Variants in CACNA2D4 observed in about 807,000 individuals in gnomAD.
The protein encoded by CACNA2D4 is calcium voltage-gated channel auxiliary subunit alpha2delta 4.
Under a neutral mutation model 163.8 loss-of-function variants are expected in CACNA2D4, and 157 were observed. The ratio of observed to expected loss-of-function variants is 0.96; its 90% CI spans 0.84 to 1.09. The LOEUF is 1.09. Among genes scored for constraint, CACNA2D4 ranks in the 50% least tolerant of loss-of-function variants. The probability of loss-of-function intolerance (pLI) is 0.00; values close to 1 mark genes in which losing one functional copy is unlikely to be tolerated. For missense variants in CACNA2D4, 1,410 were observed against 1,479.9 expected, an observed-to-expected ratio of 0.95 and a Z score of 0.78; for synonymous variants, 598 against 586.9, an observed-to-expected ratio of 1.02 and a Z score of -0.27.
Position 1,875,966 on chromosome 12 carries a change from G to A in CACNA2D4, c.1720-629C>T, listed in dbSNP as rs944100653. On this transcript the variant is annotated intron_variant, in intron 16 of 37. Coordinates refer to ENST00000382722, the MANE Select transcript of CACNA2D4 (RefSeq NM_172364.5). The surrounding 1 kb of genome is among the most constrained non-coding windows in gnomAD (Gnocchi z 4.0). Reference sequence around the variant, plus strand: ...CAGGGGGCCCTGACTGCTGCCTGCGGTTCTGCTGTTTTCCTGGCCAGCCGC... The same window carrying A: ...CAGGGGGCCCTGACTGCTGCCTGCGATTCTGCTGTTTTCCTGGCCAGCCGC... Among the ~76,000 whole-genome samples the A allele has an allele frequency of 2.0e-5, 3 of 152,206 alleles. No homozygotes were observed. The highest frequency in any genetic ancestry group is 4.4e-5 in the Non-Finnish European group (3 of 68,040).
Position 1,806,655 on chromosome 12 carries a change from C to T in CACNA2D4, c.2721+3623G>A, listed in dbSNP as rs1167360739. Among the ~76,000 whole-genome samples the T allele has an allele frequency of 6.6e-6, 1 of 152,230 alleles. No individual in the cohort carries two copies. The highest frequency in any genetic ancestry group is 1.5e-5 in the Non-Finnish European group (1 of 68,036). On this transcript the variant is annotated intron_variant, in intron 29 of 37. Coordinates refer to ENST00000382722, the MANE Select transcript of CACNA2D4 (RefSeq NM_172364.5). The surrounding 1 kb of genome is among the most constrained non-coding windows in gnomAD (Gnocchi z 4.1). ...GCCAGCTAAAGTGCATTGAGATCCA[C>T]AGCAGCCAGGAGGCCTGGGGAGGGT... is the stretch of plus-strand genomic sequence containing the variant.
intron 18 of CACNA2D4, among the ~76,000 whole-genome samples, chr12:1,868,256 C>A (rs1160461055): frequency 1.3e-5 from 2 of 152,094 alleles, no homozygotes; most frequent in Non-Finnish European, 2.9e-5. Flanking sequence ...CTTATAAATA[C>A]AGAGGAATAT....
intron 29 of CACNA2D4, among the ~76,000 whole-genome samples, chr12:1,808,679 C>G (rs1202270100): frequency 6.6e-6 from 1 of 152,216 alleles, no homozygotes; most frequent in Non-Finnish European, 1.5e-5. Context: ...TTAGCCCATG[C>G]TCCGGCCCTT....
chr12:1,882,907 T>C lies in CACNA2D4; in HGVS notation c.1445A>G (p.Asp482Gly). Reference sequence around the variant, plus strand: ...GGCCTCTGTCCAGATGATGTCGTGGTCGTGGTTGATGACCATGGGGCGGCT... The same window carrying C: ...GGCCTCTGTCCAGATGATGTCGTGGCCGTGGTTGATGACCATGGGGCGGCT... ...VLSRPMVINH[D>G]HDIIWTEAYM... The change falls in exon 13 of 38, where the codon GAC becomes GGC. Residue 482 changes from aspartate (D) to glycine (G), a missense_variant. Coordinates refer to ENST00000382722, the MANE Select transcript of CACNA2D4 (RefSeq NM_172364.5). The C allele has an allele frequency of 1.2e-6, 2 of 1,613,832 alleles. No individual in the cohort carries two copies. The highest frequency in any genetic ancestry group is 1.7e-6 in the Non-Finnish European group (2 of 1,179,832).
intron 18 of CACNA2D4, among the ~76,000 whole-genome samples, chr12:1,863,186 G>A (rs1865561067): frequency 1.3e-5 from 2 of 152,184 alleles, no homozygotes; most frequent in Non-Finnish European, 2.9e-5. Context: ...TGAAAAGATT[G>A]CCTTGCTCCA....
chr12:1,833,511 C>T lies in CACNA2D4; in HGVS notation c.2551+7228G>A, dbSNP rs1313507105. ...GAGCCCGTGCGCCCAGGTACCCACA[C>T]CTCCTCATCAACACCAGCCTCCTCT... On this transcript the variant is annotated intron_variant, in intron 26 of 37. Coordinates refer to ENST00000382722, the MANE Select transcript of CACNA2D4 (RefSeq NM_172364.5). The surrounding 1 kb of genome is among the most constrained non-coding windows in gnomAD (Gnocchi z 4.2). Among the ~76,000 whole-genome samples the T allele has an allele frequency of 6.6e-6, 1 of 152,174 alleles. No homozygotes were observed. The highest frequency in any genetic ancestry group is 1.5e-5 in the Non-Finnish European group (1 of 68,030).
At chr12:1,895,853 G>A (rs751034242) in intron 6 of CACNA2D4, among the ~76,000 whole-genome samples, 1 of 151,910 alleles carries the variant, frequency 6.6e-6, no homozygotes, top group Non-Finnish European at 1.5e-5. Context: ...TGCTCATGCT[G>A]GCCTCAAACT....
chr12:1,831,008 C>A (rs768025964), intron 26 of CACNA2D4: 1 of 1,614,154 alleles, frequency 6.2e-7, no homozygotes, highest in Non-Finnish European at 8.5e-7. Context: ...AGTGTGACAG[C>A]CGCAGCCTGG....
chr12:1,821,522 C>T (rs925017433), intron 26 of CACNA2D4, among the ~76,000 whole-genome samples: 1 of 152,190 alleles, frequency 6.6e-6, no homozygotes, highest in African/African-American at 2.4e-5. Context: ...AGAACCAGGC[C>T]CGCGAGAACC....
Position 1,918,351 on chromosome 12 carries a change from G to C in CACNA2D4, c.123C>G (p.Pro41=). 1.2e-6 allele frequency: 2 copies of C among 1,608,022 alleles called. No homozygotes were observed. Among genetic ancestry groups the C allele is most frequent in the Non-Finnish European group, 1.7e-6 (2 of 1,177,268 alleles). ...TCTTCTGCACAAAGGCCCAGGCCAC[G>C]GGCATTGGCTGGAGGGGAATCCAGC... ...SSRWIPLQPM[P]VAWAFVQKTS... is the part of the protein sequence containing the mutation. The change falls in exon 1 of 38, where the codon CCC becomes CCG. Residue 41 remains proline (P), a synonymous_variant. Coordinates refer to ENST00000382722, the MANE Select transcript of CACNA2D4 (RefSeq NM_172364.5).
intron 26 of CACNA2D4, among the ~76,000 whole-genome samples, chr12:1,821,860 G>T (rs1864116920): frequency 6.6e-6 from 1 of 152,102 alleles, no homozygotes; most frequent in Admixed American, 6.5e-5. Flanking sequence ...CCACATTTCT[G>T]GGGGGTGTTG....
intron 23 of CACNA2D4, among the ~76,000 whole-genome samples, chr12:1,847,229 C>T (rs549223429): frequency 5.9e-5 from 9 of 152,320 alleles, no homozygotes; most frequent in South Asian, 2.1e-4. Flanking sequence ...AGCTAGTTGG[C>T]GTCACATATC....
Position 1,793,550 on chromosome 12 carries a change from TGG to T in CACNA2D4, c.*103_*104del. 2.1e-6 allele frequency: 2 copies of T among 965,450 alleles called. No individual in the cohort carries two copies. Among genetic ancestry groups the T allele is most frequent in the Non-Finnish European group, 3.3e-6 (2 of 609,276 alleles). 59.8% of individuals were successfully genotyped at this position (965,450 alleles called of 1,614,324 possible). ...CCCAGGATTGAGAGGAGCGTTGGCCTGGGGGCGACCCAACTGCAGTTAGCTGC... is the reference window on the plus strand; with the variant it reads ...CCCAGGATTGAGAGGAGCGTTGGCCTGGGCGACCCAACTGCAGTTAGCTGC... On this transcript the variant is annotated 3_prime_UTR_variant, in exon 38 of 38. Coordinates refer to ENST00000382722, the MANE Select transcript of CACNA2D4 (RefSeq NM_172364.5).
intron 37 of CACNA2D4, among the ~76,000 whole-genome samples, chr12:1,794,383 G>C (rs1364236606): frequency 6.6e-6 from 1 of 152,124 alleles, no homozygotes; most frequent in Admixed American, 6.5e-5. Flanking sequence ...CCCACTCTCT[G>C]GACACCAACT....
rs77441888 is a variant in CACNA2D4, at chr12:1,874,989, C to A, written c.1806+262G>T. On this transcript the variant is annotated intron_variant, in intron 17 of 37. Coordinates refer to ENST00000382722, the MANE Select transcript of CACNA2D4 (RefSeq NM_172364.5). The surrounding 1 kb of genome is among the most constrained non-coding windows in gnomAD (Gnocchi z 4.4). ...GCCAGGCTAAAACATCACTAAAACT[C>A]AGACTCTGCAGCTTATACACATGAT... is the stretch of plus-strand genomic sequence containing the variant. 0.047 allele frequency among the ~76,000 whole-genome samples: 7,094 copies of A among 152,308 alleles called. 419 individuals carry two copies. The highest frequency in any genetic ancestry group is 0.14 in the African/African-American group (5,617 of 41,546).
At chr12:1,902,128 T>C (rs533882153) in intron 6 of CACNA2D4, among the ~76,000 whole-genome samples, 23 of 152,214 alleles carry the variant, frequency 1.5e-4, no homozygotes, top group African/African-American at 5.5e-4. Context: ...ATCATTTCAA[T>C]TGATGCAGAA....
At chr12:1,805,635 G>A (rs969830149) in intron 29 of CACNA2D4, among the ~76,000 whole-genome samples, 4 of 152,212 alleles carry the variant, frequency 2.6e-5, no homozygotes, top group African/African-American at 9.6e-5. Context: ...TGGAGGAGCG[G>A]GGTGGGGGTG....
chr12:1,877,055 T>C (rs1425321897), intron 16 of CACNA2D4, among the ~76,000 whole-genome samples: 1 of 152,248 alleles, frequency 6.6e-6, no homozygotes, highest in East Asian at 1.9e-4. Context: ...GGCTTTGCTA[T>C]ATCTTTTGTT....
rs143646873 is a variant in CACNA2D4 at position 1,851,809 on chromosome 12, G to A, written c.2246+2142C>T. On this transcript the variant is annotated intron_variant, in intron 23 of 37. Coordinates refer to ENST00000382722, the MANE Select transcript of CACNA2D4 (RefSeq NM_172364.5). ...TCATTGGGGTTAACATTAACTTAGG[G>A]AGGATTAATATCTTTATGATGTTGA... Among the ~76,000 whole-genome samples the A allele has an allele frequency of 3.7e-3, 555 of 151,926 alleles. 2 individuals carry two copies. Among genetic ancestry groups the A allele is most frequent in the Non-Finnish European group, 6.1e-3 (417 of 67,960 alleles).
Sources: gnomAD v4.1 joint callset for allele counts (sites outside exome capture counted in the v4.1 genomes callset) on GRCh38, gnomAD v4.1.1 for gene constraint, Gnocchi (gnomAD v3.1) non-coding constraint, MANE v1.5 for transcripts, NCBI Gene and HGNC (gene_info 2026-07-23, HGNC 2026-07-21) for gene names.